The following CADM1 variants were observed in gnomAD, a reference collection of about 807,000 sequenced individuals.
CADM1 encodes TSLC-1.
Under a neutral mutation model 53.1 loss-of-function variants are expected in CADM1, and 15 were observed. That is an observed-to-expected ratio of 0.28 (90% CI 0.19 to 0.44). The LOEUF (loss-of-function observed/expected upper bound fraction) is 0.44, where lower values mean the gene tolerates loss of function less well. CADM1 is among the 20% of genes least tolerant of loss of function. The probability of loss-of-function intolerance (pLI) is 1.00; values close to 1 mark genes in which losing one functional copy is unlikely to be tolerated. For synonymous variants in CADM1, 281 were observed against 243.0 expected (o/e 1.16, Z -1.45); for missense variants, 434 against 611.3 (o/e 0.71, Z 3.06).
At chr11:115,199,824 C>G (rs1196959617) in intron 8 of CADM1, among the ~76,000 whole-genome samples, 1 of 152,254 alleles carries the variant, frequency 6.6e-6, no homozygotes, top group Non-Finnish European at 1.5e-5. Flanking sequence ...AAGCAGTTCA[C>G]TGTCCTTTTG....
intron 4 of CADM1, among the ~76,000 whole-genome samples, chr11:115,230,423 C>T (rs1941774259): frequency 6.6e-6 from 1 of 152,186 alleles, no homozygotes; most frequent in Admixed American, 6.5e-5. Context: ...GAAACTGAAG[C>T]ATGCCACTAG....
chr11:115,320,309 C>T (rs1591705636), intron 1 of CADM1, among the ~76,000 whole-genome samples: 1 of 152,054 alleles, frequency 6.6e-6, no homozygotes, highest in Non-Finnish European at 1.5e-5. Context: ...GCAATCCTCC[C>T]GTCTTGGCAT....
rs12276412 is a variant in CADM1 at position 115,441,596 on chromosome 11, A to G, written c.124+62675T>C. Among the ~76,000 whole-genome samples the G allele has an allele frequency of 5.1e-3, 777 of 152,322 alleles. 6 individuals carry two copies. The highest frequency in any genetic ancestry group is 0.018 in the African/African-American group (746 of 41,560). On this transcript the variant is annotated intron_variant, in intron 1 of 11. Transcript: ENST00000331581. Reference sequence around the variant, plus strand: ...TCACTATGCTATTAAATTTGTGAATATGATCAAACTTTATAGAAAATGAGC... The same window carrying G: ...TCACTATGCTATTAAATTTGTGAATGTGATCAAACTTTATAGAAAATGAGC...
At chr11:115,203,372 G>A (rs889996263) in intron 8 of CADM1, among the ~76,000 whole-genome samples, 5 of 152,140 alleles carry the variant, frequency 3.3e-5, no homozygotes, top group African/African-American at 9.7e-5. Flanking sequence ...CAGAGGGGAG[G>A]GAAGGAAAAG....
chr11:115,185,789 G>A (rs765422185), intron 10 of CADM1, among the ~76,000 whole-genome samples: 3 of 152,166 alleles, frequency 2.0e-5, no homozygotes, highest in South Asian at 2.1e-4. Context: ...AGGAATATAC[G>A]CCTGATAAAC....
intron 1 of CADM1, among the ~76,000 whole-genome samples, chr11:115,264,893 T>C (rs1565332966): frequency 6.6e-6 from 1 of 152,080 alleles, no homozygotes; most frequent in Non-Finnish European, 1.5e-5. Flanking sequence ...CGGGTGGGAA[T>C]GGGGAAGGAG....
intron 1 of CADM1, among the ~76,000 whole-genome samples, chr11:115,288,996 T>C (rs755749381): frequency 6.6e-6 from 1 of 152,156 alleles, no homozygotes; most frequent in African/African-American, 2.4e-5. Context: ...AAGGAACATG[T>C]TGATTTTGCT....
intron 1 of CADM1, among the ~76,000 whole-genome samples, chr11:115,300,701 A>G (rs1043580706): frequency 2.0e-5 from 3 of 152,118 alleles, no homozygotes; most frequent in Non-Finnish European, 4.4e-5. Context: ...TTAAGAAGCA[A>G]AACTATGAAA....
At chr11:115,269,400 G>A (rs1276481964) in intron 1 of CADM1, among the ~76,000 whole-genome samples, 1 of 152,116 alleles carries the variant, frequency 6.6e-6, no homozygotes, top group Non-Finnish European at 1.5e-5. Context: ...ACGCTTCGAT[G>A]CCCTCTTTGT....
intron 1 of CADM1, among the ~76,000 whole-genome samples, chr11:115,280,781 C>T (rs1323322598): frequency 6.6e-6 from 1 of 152,174 alleles, no homozygotes; most frequent in African/African-American, 2.4e-5. Context: ...AGGAGGATGT[C>T]AAGAAGATAC....
chr11:115,355,419 T>C (rs1697161062), intron 1 of CADM1, among the ~76,000 whole-genome samples: 3 of 152,040 alleles, frequency 2.0e-5, no homozygotes, highest in Admixed American at 2.0e-4. Flanking sequence ...TGAGAACACA[T>C]GGATGCAACG....
At chr11:115,500,671 CAT>C (rs1441786592) in intron 1 of CADM1, among the ~76,000 whole-genome samples, 5 of 152,220 alleles carry the variant, frequency 3.3e-5, no homozygotes, top group Admixed American at 6.5e-5. Flanking sequence ...CTTCTTGACA[CAT>C]GTCATAGAAA....
At chr11:115,436,701 G>A (rs965748485) in intron 1 of CADM1, among the ~76,000 whole-genome samples, 2 of 152,182 alleles carry the variant, frequency 1.3e-5, no homozygotes, top group African/African-American at 4.8e-5. Context: ...TTCATCCTCT[G>A]TTGTACCTCA....
chr11:115,200,496 T>A (rs1322487244), intron 8 of CADM1, among the ~76,000 whole-genome samples: 1 of 152,300 alleles, frequency 6.6e-6, no homozygotes, highest in South Asian at 2.1e-4. Context: ...TGCTTTCTTT[T>A]CTTTTCTTTT....
At position 115,361,359 on chromosome 11, in the gene CADM1, T is replaced by C. The variant is rs1029922991; in HGVS notation, c.125-120939A>G. Among the ~76,000 whole-genome samples the C allele has an allele frequency of 7.9e-5, 12 of 152,204 alleles. No homozygotes were observed. The South Asian group carries it at 1.4e-3, about 18-fold the overall frequency. On this transcript the variant is annotated intron_variant, in intron 1 of 11. Transcript: ENST00000331581. ...TAGTATCAGAGTTGCAGTTAATCTA[T>C]AGCCCATAAAGGAAATCAGAATGTA...
chr11:115,388,740 A>AT (rs1946762375), intron 1 of CADM1, among the ~76,000 whole-genome samples: 1 of 152,108 alleles, frequency 6.6e-6, no homozygotes, highest in South Asian at 2.1e-4. Flanking sequence ...AGTTCTGTAT[A>AT]TTTTTTAATG....
chr11:115,207,239 A>G (rs1027645318), intron 8 of CADM1: 1 of 152,322 alleles, frequency 6.6e-6, no homozygotes, highest in South Asian at 2.1e-4. Flanking sequence ...TTTTGTGCGC[A>G]GGGAGGACTC....
chr11:115,490,650 G>A (rs779738014), intron 1 of CADM1, among the ~76,000 whole-genome samples: 1 of 152,148 alleles, frequency 6.6e-6, no homozygotes, highest in Non-Finnish European at 1.5e-5. Flanking sequence ...CGCCCACCTG[G>A]GCCTCCCAAA....
intron 1 of CADM1, among the ~76,000 whole-genome samples, chr11:115,483,913 T>C (rs184657298): frequency 5.7e-4 from 87 of 152,180 alleles, no homozygotes; most frequent in African/African-American, 2.0e-3. Flanking sequence ...ATCACAAAAG[T>C]TCTATTAGAC....
Sources: allele counts gnomAD v4.1 joint callset (sites outside exome capture counted in the v4.1 genomes callset), GRCh38; gene constraint gnomAD v4.1.1; transcripts MANE v1.5; gene names NCBI Gene and HGNC (gene_info 2026-07-23, HGNC 2026-07-21).